The following FNDC3A variants were observed in gnomAD, a reference collection of about 807,000 sequenced individuals.
FNDC3A encodes the protein fibronectin type III domain containing 3A.
Under a neutral mutation model 148.9 loss-of-function variants are expected in FNDC3A, and 32 were observed. The ratio of observed to expected loss-of-function variants is 0.21; its 90% confidence interval spans 0.16 to 0.29. FNDC3A has a LOEUF of 0.29. Ranked by LOEUF, FNDC3A falls within the 10% of genes least tolerant of loss-of-function variation. The pLI is 1.00. For synonymous variants in FNDC3A, 472 were observed against 473.6 expected (o/e 1.00, Z 0.04); for missense variants, 1,191 against 1,452.8 (o/e 0.82, Z 2.93).
chr13:49,187,300 G>C, intron 16 of FNDC3A, 110 bp downstream of exon 16: 1 of 953,930 alleles, frequency 1.0e-6, no homozygotes, highest in East Asian at 2.6e-5. Context: ...TTTTCATAAG[G>C]TACACCATAA....
At chr13:49,047,927 A>T (rs1875540855) in intron 2 of FNDC3A, among the ~76,000 whole-genome samples, 1 of 152,162 alleles carries the variant, frequency 6.6e-6, no homozygotes, top group South Asian at 2.1e-4. Context: ...TTATGGTTTC[A>T]AGTCTTAGAT....
intron 13 of FNDC3A, among the ~76,000 whole-genome samples, chr13:49,178,341 A>G (rs1233982210): frequency 6.6e-6 from 1 of 152,198 alleles, no homozygotes; most frequent in East Asian, 1.9e-4. Flanking sequence ...TACTATATTT[A>G]CTGAGACTAA....
At chr13:49,101,090 TAAAAGG>T (rs956992766) in intron 3 of FNDC3A, among the ~76,000 whole-genome samples, 3 of 152,092 alleles carry the variant, frequency 2.0e-5, no homozygotes, top group African/African-American at 4.8e-5. Context: ...GAGAAACAGT[TAAAAGG>T]AGAAGAAACA....
chr13:49,012,688 T>A (rs908575239), intron 2 of FNDC3A, among the ~76,000 whole-genome samples: 1 of 152,150 alleles, frequency 6.6e-6, no homozygotes, highest in South Asian at 2.1e-4. Flanking sequence ...GGTGTATTCA[T>A]GCATTTATGT....
intron 10 of FNDC3A, among the ~76,000 whole-genome samples, chr13:49,170,364 GA>G (rs1290510353): frequency 3.3e-5 from 5 of 152,260 alleles, no homozygotes; most frequent in African/African-American, 9.6e-5. Flanking sequence ...GTAGTTTAGT[GA>G]CTTGAATATC....
Position 49,056,201 on chromosome 13 carries a change from G to A in FNDC3A, c.100-19088G>A, listed in dbSNP as rs980828236. ...GACCCTGCCTCAAAAAAAAAAAAAA[G>A]TGCAGTTTAACTCTTTGTCAACACT... is the stretch of plus-strand genomic sequence containing the variant. On this transcript the variant is annotated intron_variant, in intron 2 of 25. Coordinates refer to ENST00000492622, the MANE Select transcript of FNDC3A (RefSeq NM_001079673.2). Among the ~76,000 whole-genome samples, 10 of 148,352 alleles carry A rather than the reference G, an allele frequency of 6.7e-5. No homozygotes were observed. The East Asian group carries it at 9.8e-4, about 15-fold the overall frequency.
intron 8 of FNDC3A, among the ~76,000 whole-genome samples, chr13:49,149,056 A>T (rs1883145152): frequency 6.6e-6 from 1 of 151,868 alleles, no homozygotes; most frequent in Admixed American, 6.6e-5. Context: ...TTGATTTTAT[A>T]TCCTGCAACT....
intron 7 of FNDC3A, among the ~76,000 whole-genome samples, chr13:49,141,657 A>G (rs1180270450): frequency 6.6e-6 from 1 of 152,192 alleles, no homozygotes; most frequent in Non-Finnish European, 1.5e-5. Flanking sequence ...GAACTCTTTT[A>G]ACAGTTTAGC....
chr13:49,008,153 T>C (rs745600173), intron 2 of FNDC3A, among the ~76,000 whole-genome samples: 4 of 152,102 alleles, frequency 2.6e-5, no homozygotes, highest in East Asian at 1.9e-4. Flanking sequence ...ACTTTAGATA[T>C]CCCAGTCAGG....
chr13:49,179,279 T>G (rs1209006490), intron 14 of FNDC3A, among the ~76,000 whole-genome samples: 1 of 152,244 alleles, frequency 6.6e-6, no homozygotes, highest in African/African-American at 2.4e-5. Flanking sequence ...AAAATAATGC[T>G]ACATTTTTCT....
chr13:49,092,526 G>A (rs2137819926), intron 3 of FNDC3A, among the ~76,000 whole-genome samples: 1 of 152,188 alleles, frequency 6.6e-6, no homozygotes, highest in Non-Finnish European at 1.5e-5. Flanking sequence ...AAATCCTTTG[G>A]CAACCCTCAC....
At chr13:49,062,320 C>T (rs1876955032) in intron 2 of FNDC3A, among the ~76,000 whole-genome samples, 1 of 152,084 alleles carries the variant, frequency 6.6e-6, no homozygotes, top group South Asian at 2.1e-4. Context: ...TAAAATTTTT[C>T]AAAATAAGTG....
chr13:49,040,625 A>C (rs1024765514), intron 2 of FNDC3A, among the ~76,000 whole-genome samples: 2 of 152,242 alleles, frequency 1.3e-5, no homozygotes, highest in Non-Finnish European at 2.9e-5. Context: ...ATAAGTGCAA[A>C]CTTAAGAGTA....
intron 3 of FNDC3A, among the ~76,000 whole-genome samples, chr13:49,085,889 T>A (rs2137805585): frequency 6.6e-6 from 1 of 151,852 alleles, no homozygotes; most frequent in African/African-American, 2.4e-5. Flanking sequence ...TTTTTTTTTT[T>A]TTTTTCCCCT....
At chr13:49,087,192 A>G (rs1878870557) in intron 3 of FNDC3A, among the ~76,000 whole-genome samples, 2 of 152,282 alleles carry the variant, frequency 1.3e-5, no homozygotes, top group South Asian at 4.1e-4. Context: ...AGTGAGTGCT[A>G]TTAAAATAAG....
At chr13:49,174,377 C>T (rs747913381) in intron 11 of FNDC3A, 58 bp from the exon 12 acceptor site, 43 of 1,422,252 alleles carry the variant, frequency 3.0e-5, no homozygotes, top group Admixed American at 5.4e-5. Context: ...GGAATTGATG[C>T]GAATTTATCT....
At chr13:48,987,398 A>G (rs1206074423) in intron 1 of FNDC3A, among the ~76,000 whole-genome samples, 1 of 152,226 alleles carries the variant, frequency 6.6e-6, no homozygotes, top group Non-Finnish European at 1.5e-5. Flanking sequence ...TTTTTGATCA[A>G]GATTTCCTTT....
chr13:49,077,366 C>T (rs1397471038), intron 3 of FNDC3A, among the ~76,000 whole-genome samples: 1 of 152,224 alleles, frequency 6.6e-6, no homozygotes, highest in African/African-American at 2.4e-5. Context: ...AACTCTAACA[C>T]TTACTTCAAG....
At chr13:48,992,927 C>G (rs1323173305) in intron 1 of FNDC3A, among the ~76,000 whole-genome samples, 2 of 152,180 alleles carry the variant, frequency 1.3e-5, no homozygotes, top group African/African-American at 2.4e-5. Context: ...ACTCATTACT[C>G]TGCCATTTCC....
Sources: allele counts gnomAD v4.1 joint callset (sites outside exome capture counted in the v4.1 genomes callset), GRCh38; gene constraint gnomAD v4.1.1; transcripts MANE v1.5; gene names NCBI Gene and HGNC (gene_info 2026-07-23, HGNC 2026-07-21).